The following C10orf53 variants were observed in gnomAD, a reference collection of about 807,000 sequenced individuals.
C10orf53 encodes UPF0728 protein C10orf53.
A neutral mutation model predicts 9.4 loss-of-function variants in C10orf53; 8 were observed. The observed-to-expected ratio is 0.85, with a 90% confidence interval of 0.50 to 1.53. The LOEUF is 1.53. C10orf53 is among the 40% of genes most tolerant of loss of function. The pLI is 0.00. For missense variants in C10orf53, 117 were observed against 117.8 expected, an observed-to-expected ratio of 0.99 and a Z score of 0.03; for synonymous variants, 48 against 46.0, an observed-to-expected ratio of 1.04 and a Z score of -0.18.
Position 49,694,723 on chromosome 10 carries a change from C to G in C10orf53, c.*121C>G. ...CTGGGCTCTGCTAGTCAGAACAGGG[C>G]AACTCGGGCCTGACCTCCAGCTTAC... On this transcript the variant is annotated 3_prime_UTR_variant, in exon 3 of 3. Transcript: ENST00000374111. 6.6e-7 allele frequency: 1 copy of G among 1,511,648 alleles called. No homozygotes were observed. Among genetic ancestry groups the G allele is most frequent in the Non-Finnish European group, 8.9e-7 (1 of 1,129,322 alleles). 93.6% of individuals were successfully genotyped at this position (1,511,648 alleles called of 1,614,324 possible).
intron 1 of C10orf53, among the ~76,000 whole-genome samples, 190 bp from the exon 2 acceptor site, chr10:49,693,584 C>G (rs1181641311): frequency 6.6e-6 from 1 of 152,238 alleles, no homozygotes; most frequent in Non-Finnish European, 1.5e-5. Flanking sequence ...ACTCAGGCCT[C>G]TGGCTGTGCT....
chr10:49,684,195 C>T (rs1173622948), intron 1 of C10orf53, among the ~76,000 whole-genome samples: 2 of 152,178 alleles, frequency 1.3e-5, no homozygotes, highest in Non-Finnish European at 2.9e-5. Flanking sequence ...TTTCTAGGCT[C>T]TCAATTCTAT....
chr10:49,690,217 G>GT (rs1590642112), intron 1 of C10orf53, among the ~76,000 whole-genome samples: 1 of 152,306 alleles, frequency 6.6e-6, no homozygotes, highest in East Asian at 1.9e-4. Flanking sequence ...GGGTTGCAAG[G>GT]TATCAGTAGG....
chr10:49,704,183 A>G (rs1212137066), intron 2 of C10orf53, among the ~76,000 whole-genome samples: 1 of 152,252 alleles, frequency 6.6e-6, no homozygotes, highest in Non-Finnish European at 1.5e-5. Context: ...ATTAAATTCA[A>G]CTTCATAAGA....
chr10:49,706,053 A>G (rs1338743409), intron 2 of C10orf53, among the ~76,000 whole-genome samples: 2 of 152,224 alleles, frequency 1.3e-5, no homozygotes, highest in Non-Finnish European at 2.9e-5. Flanking sequence ...CCACAATGAC[A>G]TACAATTTCG....
Position 49,696,781 on chromosome 10 carries a change from G to A in C10orf53, c.*2179G>A, listed in dbSNP as rs1486538419. Among the ~76,000 whole-genome samples the A allele has an allele frequency of 6.6e-6, 1 of 152,154 alleles. No homozygotes were observed. The highest frequency in any genetic ancestry group is 1.5e-5 in the Non-Finnish European group (1 of 68,026). ...ATTGGGGGGTGTGGGGGGCAGGTGA[G>A]GTAGAGGGAGGAAGTTTGCAGGGCT... On this transcript the variant is annotated 3_prime_UTR_variant, in exon 3 of 3. Transcript: ENST00000374111.
At chr10:49,685,960 A>G (rs1194627324) in intron 1 of C10orf53, among the ~76,000 whole-genome samples, 2 of 152,016 alleles carry the variant, frequency 1.3e-5, no homozygotes, top group African/African-American at 2.4e-5. Flanking sequence ...GACTTTCACT[A>G]GGTATATGTT....
In C10orf53 at chr10:49,687,869, T is replaced by C. The variant is rs546127374; in HGVS notation, c.98-5905T>C. Among the ~76,000 whole-genome samples, 113 of 152,264 alleles carry C rather than the reference T, an allele frequency of 7.4e-4. 1 individual carries two copies. The highest frequency in any genetic ancestry group is 2.6e-3 in the African/African-American group (109 of 41,538). On this transcript the variant is annotated intron_variant, in intron 1 of 2. Coordinates refer to ENST00000374111, the MANE Select transcript of C10orf53 (RefSeq NM_001042427.3). ...GTTCTTGAGCTAAAGGATGATGAGA[T>C]CTGGGATGTACCTTAAGAGTCCAAT...
intron 1 of C10orf53, among the ~76,000 whole-genome samples, chr10:49,681,257 G>A (rs193248084): frequency 7.5e-4 from 115 of 152,326 alleles, no homozygotes; most frequent in African/African-American, 2.7e-3. Flanking sequence ...ATAGAAAGAT[G>A]TGAGTCATTG....
exon 3 of C10orf53, chr10:49,708,673 G>T (rs1840740559): frequency 1.3e-6 from 2 of 1,594,548 alleles, no homozygotes; most frequent in East Asian, 2.2e-5. Flanking sequence ...AAAATGGTGG[G>T]TCTGTTTCCA....
exon 3 of C10orf53, chr10:49,708,784 C>G: frequency 1.1e-6 from 1 of 919,078 alleles, no homozygotes; most frequent in Non-Finnish European, 1.6e-6. Context: ...GTGGCAAACC[C>G]AACGTGATTC....
intron 2 of C10orf53, among the ~76,000 whole-genome samples, chr10:49,706,214 G>A (rs117271528): frequency 6.6e-6 from 1 of 152,312 alleles, no homozygotes; most frequent in Non-Finnish European, 1.5e-5. Context: ...GTAAAACATT[G>A]ACCCAGCAAT....
chr10:49,693,501 C>T (rs1840603936), intron 1 of C10orf53, among the ~76,000 whole-genome samples: 1 of 152,170 alleles, frequency 6.6e-6, no homozygotes, highest in Admixed American at 6.5e-5. Flanking sequence ...AGCCCAATAG[C>T]CCTTTACTAG....
At position 49,695,873 on chromosome 10, in the gene C10orf53, T is replaced by A. The variant is rs2132884963; in HGVS notation, c.*1271T>A. 6.6e-6 allele frequency: 1 copy of A among 152,358 alleles called. No homozygotes were observed. Among genetic ancestry groups the A allele is most frequent in the South Asian group, 2.1e-4 (1 of 4,830 alleles). 9.4% of individuals were successfully genotyped at this position (152,358 alleles called of 1,614,324 possible). On this transcript the variant is annotated 3_prime_UTR_variant, in exon 3 of 3. Coordinates refer to ENST00000374111, the MANE Select transcript of C10orf53 (RefSeq NM_001042427.3). ...TGTCTGGTGCTGGTTTTCACATATCTTTTGTAACCCTACATTTAGTCCCTT... is the reference window on the plus strand; with the variant it reads ...TGTCTGGTGCTGGTTTTCACATATCATTTGTAACCCTACATTTAGTCCCTT...
At position 49,682,684 on chromosome 10, in the gene C10orf53, A is replaced by T. The variant is rs536060449; in HGVS notation, c.97+2890A>T. On this transcript the variant is annotated intron_variant, in intron 1 of 2. Transcript: ENST00000374111. ...TACAGAGTGCTGATTGGCTCATTTTACAGAGTGCTGATTGGTGCATTTACA... is the reference window on the plus strand; with the variant it reads ...TACAGAGTGCTGATTGGCTCATTTTTCAGAGTGCTGATTGGTGCATTTACA... Among the ~76,000 whole-genome samples, 400 of 152,216 alleles carry T rather than the reference A, an allele frequency of 2.6e-3. 2 individuals are homozygous for T. The highest frequency in any genetic ancestry group is 9.1e-3 in the African/African-American group (377 of 41,544).
At chr10:49,709,068 C>T in exon 3 of C10orf53, 1 of 170,230 alleles carries the variant, frequency 5.9e-6, no homozygotes. Flanking sequence ...CTTTCCCAAG[C>T]ATTGATCTGC....
chr10:49,679,667 C>A lies in C10orf53; in HGVS notation c.-31C>A. 6.5e-7 allele frequency: 1 copy of A among 1,542,578 alleles called. No homozygotes were observed. The highest frequency in any genetic ancestry group is 8.7e-7 in the Non-Finnish European group (1 of 1,143,100). On this transcript the variant is annotated 5_prime_UTR_variant, in exon 1 of 3. Coordinates refer to ENST00000374111, the MANE Select transcript of C10orf53 (RefSeq NM_001042427.3). The stretch of plus-strand genomic sequence containing the variant: ...AGGTTGCTTAGCAGCGTGTGTTTCT[C>A]CCTTGCCTCTGCGGCGGCGGAGGCC...
chr10:49,694,114 G>T (rs1840611896), intron 2 of C10orf53: 1 of 637,146 alleles, frequency 1.6e-6, no homozygotes. Flanking sequence ...CCAAACATTG[G>T]AAACAGGAAG....
At chr10:49,702,138 A>C (rs1003025728), downstream of C10orf53, among the ~76,000 whole-genome samples, 5 of 150,064 alleles carry the variant, frequency 3.3e-5, no homozygotes, top group Non-Finnish European at 5.9e-5. Flanking sequence ...CGGAGATTGC[A>C]GTGAGCCGAG....
Sources: gnomAD v4.1 joint callset for allele counts (sites outside exome capture counted in the v4.1 genomes callset) on GRCh38, gnomAD v4.1.1 for gene constraint, MANE v1.5 for transcripts, NCBI Gene and HGNC (gene_info 2026-07-23, HGNC 2026-07-21) for gene names.